CRISPLD2: variants seen among roughly 807,000 people sequenced by gnomAD.
CRISPLD2 encodes cysteine-rich secretory protein LCCL domain-containing 2.
In CRISPLD2, 47 loss-of-function variants were observed where a neutral mutation model predicts 71.1. That is an observed-to-expected ratio of 0.66 (90% confidence interval 0.52 to 0.84). The LOEUF (loss-of-function observed/expected upper bound fraction) is 0.84, where lower values mean the gene tolerates loss of function less well. Among genes scored for constraint, CRISPLD2 ranks in the 40% least tolerant of loss-of-function variants. The probability of loss-of-function intolerance (pLI) is 0.00; values close to 1 mark genes in which losing one functional copy is unlikely to be tolerated. For missense variants in CRISPLD2, 830 were observed against 651.1 expected (o/e 1.27, Z -2.99); for synonymous variants, 317 against 250.1 (o/e 1.27, Z -2.52).
chr16:84,848,602 G>A (rs546923405), intron 3 of CRISPLD2, among the ~76,000 whole-genome samples: 3 of 152,254 alleles, frequency 2.0e-5, no homozygotes, highest in South Asian at 2.1e-4. Context: ...CACCTCGCCC[G>A]GCTAATTTTT....
intron 1 of CRISPLD2, among the ~76,000 whole-genome samples, chr16:84,826,887 G>A (rs1343696480): frequency 3.3e-5 from 5 of 152,220 alleles, no homozygotes; most frequent in African/African-American, 1.2e-4. Context: ...AAGGCCCCGG[G>A]ATTTTCTCTT....
At chr16:84,885,524 C>T (rs989057517) in intron 13 of CRISPLD2, among the ~76,000 whole-genome samples, 1 of 152,228 alleles carries the variant, frequency 6.6e-6, no homozygotes, top group African/African-American at 2.4e-5. Context: ...TGCAGGTCCA[C>T]GGCCTTCTGC....
At chr16:84,878,624 A>G (rs1172561854) in intron 12 of CRISPLD2, among the ~76,000 whole-genome samples, 1 of 152,194 alleles carries the variant, frequency 6.6e-6, no homozygotes, top group African/African-American at 2.4e-5. Flanking sequence ...TCCACGGAGG[A>G]CGATGCCTCC....
At position 84,908,911 on chromosome 16, in the gene CRISPLD2, A is replaced by C. The variant is rs1302012124; in HGVS notation, c.*2269A>C. 1 of 150,276 alleles carries C rather than the reference A, an allele frequency of 6.7e-6. No homozygotes were observed. Among genetic ancestry groups the C allele is most frequent in the East Asian group, 2.0e-4 (1 of 5,072 alleles). 9.3% of individuals were successfully genotyped at this position (150,276 alleles called of 1,614,324 possible). ...ATTATGTTGGCCAGGCTGGTCTCGA[A>C]CTCCTTACCTCAGGTGATCCACCCA... is the stretch of plus-strand genomic sequence containing the variant. On this transcript the variant is annotated 3_prime_UTR_variant, in exon 15 of 15. Coordinates refer to ENST00000262424, the MANE Select transcript of CRISPLD2 (RefSeq NM_031476.4).
At chr16:84,905,131 T>C (rs575532444) in intron 14 of CRISPLD2, among the ~76,000 whole-genome samples, 3 of 151,886 alleles carry the variant, frequency 2.0e-5, no homozygotes, top group Non-Finnish European at 2.9e-5. Context: ...AAATAAAATA[T>C]ATCAATCAGG....
chr16:84,898,386 G>A (rs2071724998), intron 14 of CRISPLD2, among the ~76,000 whole-genome samples: 1 of 152,036 alleles, frequency 6.6e-6, no homozygotes, highest in Non-Finnish European at 1.5e-5. Flanking sequence ...CCCTCTCTGT[G>A]CATCTTCCTC....
chr16:84,889,320 A>G lies in CRISPLD2; in HGVS notation c.1396A>G (p.Lys466Glu), dbSNP rs769376745. The stretch of plus-strand genomic sequence containing the variant: ...GGACGTGATGCCCGTGGATAAAAAG[A>G]AGACCTACGTGGGCTCGCTCAGGAA... ...DVDVMPVDKK[K>E]TYVGSLRNGV... Residue 466 changes from lysine (K) to glutamate (E), a missense_variant, in exon 14 of 15, where the codon AAG becomes GAG. Coordinates refer to ENST00000262424, the MANE Select transcript of CRISPLD2 (RefSeq NM_031476.4). 1.9e-6 allele frequency: 3 copies of G among 1,614,156 alleles called. No homozygotes were observed.
chr16:84,850,094 G>C (rs1350128602), intron 4 of CRISPLD2, among the ~76,000 whole-genome samples: 3 of 86,238 alleles, frequency 3.5e-5, no homozygotes, highest in Non-Finnish European at 8.5e-5. Flanking sequence ...TTGTTTGCTT[G>C]CTTTTTTTTT....
In CRISPLD2 at chr16:84,839,315, G is replaced by T. The variant is rs1916710260; in HGVS notation, c.240+580G>T. 1.6e-5 allele frequency: 4 copies of T among 257,432 alleles called. No individual in the cohort carries two copies. The South Asian group carries it at 1.7e-4, about 11-fold the overall frequency. 15.9% of individuals were successfully genotyped at this position (257,432 alleles called of 1,614,324 possible). ...CAGCTCTCAGCCTTTCCCACCTGGA[G>T]GCAGAGTGGGGAGGGGCCCAGGGCT... On this transcript the variant is annotated intron_variant, in intron 2 of 14. Transcript: ENST00000262424.
chr16:84,866,657 G>C (rs1246468118), intron 6 of CRISPLD2, among the ~76,000 whole-genome samples: 6 of 152,136 alleles, frequency 3.9e-5, no homozygotes, highest in African/African-American at 1.2e-4. Context: ...TGGGCAGCCT[G>C]GCTGATCTTG....
intron 11 of CRISPLD2, among the ~76,000 whole-genome samples, chr16:84,874,595 C>T (rs1485421470): frequency 1.3e-5 from 2 of 152,172 alleles, no homozygotes; most frequent in East Asian, 1.9e-4. Context: ...GCTTCCTCCC[C>T]GGAGCTCTGC....
intron 1 of CRISPLD2, among the ~76,000 whole-genome samples, chr16:84,825,714 C>T (rs1389745903): frequency 3.9e-5 from 6 of 152,028 alleles, no homozygotes; most frequent in African/African-American, 1.4e-4. Flanking sequence ...CAAGATCACA[C>T]ACTGCACTCC....
rs1312324512 is a variant in CRISPLD2, at chr16:84,895,926, G to A, written c.1439+6563G>A. 2.0e-5 allele frequency among the ~76,000 whole-genome samples: 3 copies of A among 152,070 alleles called. No homozygotes were observed. The East Asian group carries it at 5.8e-4, about 29-fold the overall frequency. On this transcript the variant is annotated intron_variant, in intron 14 of 14. Coordinates refer to ENST00000262424, the MANE Select transcript of CRISPLD2 (RefSeq NM_031476.4). ...GGGGAAACTGAGGCTCAGAGAAAAG[G>A]GTTAACCAGCCCAAGGTCCTAAAGA... is the stretch of plus-strand genomic sequence containing the variant.
chr16:84,839,258 T>G (rs1916708783), intron 2 of CRISPLD2: 1 of 301,262 alleles, frequency 3.3e-6, no homozygotes, highest in African/African-American at 2.2e-5. Context: ...CTCGTTGCCT[T>G]CATGTCACTC....
chr16:84,857,094 C>G (rs1480751127), intron 6 of CRISPLD2, among the ~76,000 whole-genome samples: 1 of 152,196 alleles, frequency 6.6e-6, no homozygotes, highest in South Asian at 2.1e-4. Flanking sequence ...GGTGCCATAT[C>G]GAGGGCTCAG....
At chr16:84,880,644 A>G (rs766089684) in intron 13 of CRISPLD2, 60 bp downstream of exon 13, 1 of 1,279,664 alleles carries the variant, frequency 7.8e-7, no homozygotes, top group Non-Finnish European at 1.1e-6. Flanking sequence ...CTCAACATGC[A>G]AGCTCCAAGA....
chr16:84,906,830 A>C lies in CRISPLD2; in HGVS notation c.*188A>C. 1 of 721,240 alleles carries C rather than the reference A, an allele frequency of 1.4e-6. No individual in the cohort carries two copies. The highest frequency in any genetic ancestry group is 2.4e-6 in the Non-Finnish European group (1 of 410,388). The allele number at this position is 721,240 out of a possible 1,614,324, so 44.7% of individuals were successfully genotyped here. Reference sequence around the variant, plus strand: ...CCCTCACTGAAGCAACAGCATCCCAAGGTGCTCAGCCGGACTCCCTGGTGC... The same window carrying C: ...CCCTCACTGAAGCAACAGCATCCCACGGTGCTCAGCCGGACTCCCTGGTGC... On this transcript the variant is annotated 3_prime_UTR_variant, in exon 15 of 15. Coordinates refer to ENST00000262424, the MANE Select transcript of CRISPLD2 (RefSeq NM_031476.4).
Position 84,849,425 on chromosome 16 carries a change from GA to G in CRISPLD2, c.401del (p.Glu134GlyfsTer2). On this transcript the variant is annotated frameshift_variant, in exon 4 of 15. Transcript: ENST00000262424. LOFTEE classifies it high-confidence loss of function. ...GTTCCATGTGCAGTCCTGGTATGAC[GA>G]GGTGAAGGACTACACCTACCCCTAC... ...PGFHVQSWYD[E>X]VKDYTYPYPS... 1 of 1,614,052 alleles carries G rather than the reference GA, an allele frequency of 6.2e-7. No homozygotes were observed. The highest frequency in any genetic ancestry group is 8.5e-7 in the Non-Finnish European group (1 of 1,179,950).
At chr16:84,906,377 G>C (rs79501485) in intron 14 of CRISPLD2, among the ~76,000 whole-genome samples, 9,934 of 152,218 alleles carry the variant, frequency 0.065, 543 homozygotes, top group Non-Finnish European at 0.092. Flanking sequence ...GAATCAGATG[G>C]ATGCTCATGT....
Sources: gnomAD v4.1 joint callset for allele counts (sites outside exome capture counted in the v4.1 genomes callset) on GRCh38, gnomAD v4.1.1 for gene constraint, MANE v1.5 for transcripts, NCBI Gene and HGNC (gene_info 2026-07-23, HGNC 2026-07-21) for gene names.